Variants in ROBO2 observed in about 807,000 individuals in gnomAD.
ROBO2 encodes the protein roundabout homolog 2.
A neutral mutation model predicts 160.8 loss-of-function variants in ROBO2; 53 were observed. The ratio of observed to expected loss-of-function variants is 0.33; its 90% CI spans 0.26 to 0.41. ROBO2 has a LOEUF of 0.41. ROBO2 is among the 10% of genes least tolerant of loss of function. The pLI is 1.00. For synonymous variants in ROBO2, 664 were observed against 611.7 expected, an observed-to-expected ratio of 1.09 and a Z score of -1.26; for missense variants, 1,577 against 1,722.4, an observed-to-expected ratio of 0.92 and a Z score of 1.49.
At chr3:77,472,562 G>A (rs930190198) in intron 2 of ROBO2, among the ~76,000 whole-genome samples, 5 of 152,166 alleles carry the variant, frequency 3.3e-5, no homozygotes, top group Admixed American at 3.3e-4. Context: ...ATTTATATGT[G>A]TTTTCCAGCT....
intron 2 of ROBO2, among the ~76,000 whole-genome samples, chr3:77,235,753 C>G (rs2087877205): frequency 6.6e-6 from 1 of 152,094 alleles, no homozygotes; most frequent in Non-Finnish European, 1.5e-5. Flanking sequence ...GCATTTCATG[C>G]CTTCTTAAAA....
At chr3:77,006,311 G>GTA (rs1384829061) in intron 2 of ROBO2, among the ~76,000 whole-genome samples, 31 of 147,600 alleles carry the variant, frequency 2.1e-4, no homozygotes, top group Non-Finnish European at 3.9e-4. Flanking sequence ...ATATTTGTGT[G>GTA]TGTGTGTGTG....
At chr3:77,550,494 T>A (rs1280396940) in intron 7 of ROBO2, among the ~76,000 whole-genome samples, 13 of 152,048 alleles carry the variant, frequency 8.5e-5, no homozygotes, top group African/African-American at 2.9e-4. Context: ...TTTGCCCATT[T>A]TCCAGATGAA....
intron 2 of ROBO2, among the ~76,000 whole-genome samples, chr3:77,024,865 C>A (rs553018826): frequency 2.0e-5 from 3 of 151,910 alleles, no homozygotes; most frequent in Non-Finnish European, 4.4e-5. Context: ...GGAAAAGACA[C>A]GTTTTGGAGT....
At chr3:77,614,722 A>AAACCAACC (rs71709284) in intron 21 of ROBO2, among the ~76,000 whole-genome samples, 49 of 149,294 alleles carry the variant, frequency 3.3e-4, no homozygotes, top group Middle Eastern at 3.4e-3. Context: ...TTCCCCCAAA[A>AAACCAACC]AACCAACCAA....
At chr3:77,541,604 T>C (rs761659894) in intron 6 of ROBO2, among the ~76,000 whole-genome samples, 12 of 152,242 alleles carry the variant, frequency 7.9e-5, no homozygotes, top group Admixed American at 1.3e-4. Flanking sequence ...CATACTTTCC[T>C]TATAGAGCTA....
intron 2 of ROBO2, among the ~76,000 whole-genome samples, chr3:77,103,522 T>C (rs2072343584): frequency 6.6e-6 from 1 of 152,172 alleles, no homozygotes; most frequent in African/African-American, 2.4e-5. Context: ...AAAAGTTGGC[T>C]TTTGATGCAG....
intron 2 of ROBO2, among the ~76,000 whole-genome samples, chr3:77,279,420 A>G (rs2153369063): frequency 6.6e-6 from 1 of 152,290 alleles, no homozygotes; most frequent in East Asian, 1.9e-4. Flanking sequence ...TTAACAAATT[A>G]GCATTTGAAA....
chr3:77,162,607 C>T (rs2078594986), intron 2 of ROBO2, among the ~76,000 whole-genome samples: 1 of 152,158 alleles, frequency 6.6e-6, no homozygotes, highest in Non-Finnish European at 1.5e-5. Context: ...GTGTCACTCT[C>T]TCCCTGATTA....
chr3:76,009,690 A>T (rs1054713386), intron 2 of ROBO2, among the ~76,000 whole-genome samples: 1 of 152,212 alleles, frequency 6.6e-6, no homozygotes, highest in South Asian at 2.1e-4. Flanking sequence ...ACATTCCCTC[A>T]TGCATATATA....
At chr3:76,436,563 T>C (rs781520121) in intron 2 of ROBO2, among the ~76,000 whole-genome samples, 20 of 152,176 alleles carry the variant, frequency 1.3e-4, no homozygotes, top group Non-Finnish European at 2.6e-4. Flanking sequence ...AACTTTTTTT[T>C]TTGGTGGGAA....
chr3:77,183,682 C>A (rs567850270), intron 2 of ROBO2, among the ~76,000 whole-genome samples: 2 of 151,958 alleles, frequency 1.3e-5, no homozygotes, highest in Non-Finnish European at 2.9e-5. Context: ...GCATCCCCAG[C>A]CAACTACTAC....
intron 2 of ROBO2, among the ~76,000 whole-genome samples, chr3:76,575,953 GAGT>G (rs2085263115): frequency 6.6e-6 from 1 of 151,834 alleles, no homozygotes; most frequent in Non-Finnish European, 1.5e-5. Flanking sequence ...TTAGTGCAAG[GAGT>G]AGAAGAATTT....
chr3:76,844,408 C>A (rs1380138867), intron 2 of ROBO2, among the ~76,000 whole-genome samples: 1 of 151,906 alleles, frequency 6.6e-6, no homozygotes, highest in African/African-American at 2.4e-5. Flanking sequence ...GCAAATTAAA[C>A]TACTTCATCA....
At chr3:77,618,978 A>C (rs1559741164) in intron 22 of ROBO2, among the ~76,000 whole-genome samples, 3 of 152,192 alleles carry the variant, frequency 2.0e-5, no homozygotes, top group Admixed American at 1.3e-4. Context: ...TCTAAAGCAC[A>C]GACTCAAGCT....
At chr3:76,527,978 C>A (rs527572539) in intron 2 of ROBO2, among the ~76,000 whole-genome samples, 16 of 151,920 alleles carry the variant, frequency 1.1e-4, no homozygotes, top group Non-Finnish European at 1.6e-4. Context: ...AAGGAGGAAG[C>A]AGGAAAGAGG....
intron 2 of ROBO2, among the ~76,000 whole-genome samples, chr3:76,305,229 A>G (rs1053407495): frequency 4.0e-5 from 6 of 151,560 alleles, no homozygotes; most frequent in African/African-American, 1.5e-4. Context: ...GTCTCTACAA[A>G]AAGCTAGAAA....
chr3:77,552,306 A>G (rs2092948562), intron 8 of ROBO2, among the ~76,000 whole-genome samples: 1 of 152,008 alleles, frequency 6.6e-6, no homozygotes, highest in Non-Finnish European at 1.5e-5. Flanking sequence ...CTATCATTTA[A>G]CTACTTATAA....
At chr3:76,640,223 CAGAT>C (rs1319094286) in intron 2 of ROBO2, among the ~76,000 whole-genome samples, 1 of 152,106 alleles carries the variant, frequency 6.6e-6, no homozygotes, top group Non-Finnish European at 1.5e-5. Flanking sequence ...AATATGTAAA[CAGAT>C]AGACATCAAA....
Sources: allele counts gnomAD v4.1 joint callset (sites outside exome capture counted in the v4.1 genomes callset), GRCh38; gene constraint gnomAD v4.1.1; transcripts MANE v1.5; gene names NCBI Gene and HGNC (gene_info 2026-07-23, HGNC 2026-07-21).